Variants in ANKRD6 observed in about 807,000 individuals in gnomAD.
ANKRD6 encodes ankyrin repeat domain 6.
Under a neutral mutation model 82.3 loss-of-function variants are expected in ANKRD6, and 56 were observed. That is an observed-to-expected ratio of 0.68 (90% CI 0.55 to 0.85). The LOEUF (loss-of-function observed/expected upper bound fraction) is 0.85. ANKRD6 is among the 40% of genes least tolerant of loss of function. ANKRD6 has a pLI of 0.00. For missense variants in ANKRD6, 852 were observed against 907.6 expected, an observed-to-expected ratio of 0.94 and a Z score of 0.79; for synonymous variants, 347 against 352.1, an observed-to-expected ratio of 0.99 and a Z score of 0.16.
At chr6:89,546,522 G>A (rs1248311145) in intron 1 of ANKRD6, among the ~76,000 whole-genome samples, 1 of 152,166 alleles carries the variant, frequency 6.6e-6, no homozygotes, top group Non-Finnish European at 1.5e-5. Flanking sequence ...GGAATGCAGT[G>A]GCGTGATCTC....
rs71024383 is a variant in ANKRD6 at position 89,578,286 on chromosome 6, C to CTTTTTTTTTTTT, written c.120+11205_120+11216dup. ...ATTAGCTTTTTCCCCCTCCCGCCTC[C>CTTTTTTTTTTTT]TTTTTTTTTTTTTTTTTTTTTTTTT... On this transcript the variant is annotated intron_variant, in intron 2 of 15. Transcript: ENST00000339746. 6.7e-5 allele frequency among the ~76,000 whole-genome samples: 8 copies of CTTTTTTTTTTTT among 119,098 alleles called. 4 individuals carry two copies. The highest frequency in any genetic ancestry group is 3.4e-5 in the Non-Finnish European group (2 of 58,470). 78.1% of individuals were successfully genotyped at this position (119,098 alleles called of 152,430 possible).
chr6:89,490,028 T>A (rs1176535320), intron 1 of ANKRD6, among the ~76,000 whole-genome samples: 1 of 152,232 alleles, frequency 6.6e-6, no homozygotes, highest in Non-Finnish European at 1.5e-5. Context: ...ACAACATGAC[T>A]AATTGTATGC....
At chr6:89,596,117 C>G in intron 3 of ANKRD6, 103 bp downstream of exon 3, 1 of 982,838 alleles carries the variant, frequency 1.0e-6, no homozygotes, top group Non-Finnish European at 1.6e-6. Flanking sequence ...AGTAGATGCT[C>G]TCGCAGCACA....
chr6:89,443,086 A>G (rs1771628813), intron 1 of ANKRD6, among the ~76,000 whole-genome samples: 1 of 152,196 alleles, frequency 6.6e-6, no homozygotes, highest in Admixed American at 6.5e-5. Flanking sequence ...ATGTGATACT[A>G]GAGTCAGATT....
At chr6:89,489,507 G>C (rs904450543) in intron 1 of ANKRD6, among the ~76,000 whole-genome samples, 1 of 152,180 alleles carries the variant, frequency 6.6e-6, no homozygotes, top group African/African-American at 2.4e-5. Context: ...TCTCCACTCA[G>C]TCTCCTATGC....
chr6:89,472,403 A>T (rs1304178849), intron 1 of ANKRD6, among the ~76,000 whole-genome samples: 1 of 152,208 alleles, frequency 6.6e-6, no homozygotes, highest in Non-Finnish European at 1.5e-5. Context: ...TGGGATATGT[A>T]ATATATACAT....
chr6:89,465,529 C>G (rs940455154), intron 1 of ANKRD6, among the ~76,000 whole-genome samples: 5 of 152,012 alleles, frequency 3.3e-5, no homozygotes, highest in Non-Finnish European at 4.4e-5. Context: ...TGACCTTGGG[C>G]AAGCTACTTA....
chr6:89,460,390 AT>A (rs1773981311), intron 1 of ANKRD6, among the ~76,000 whole-genome samples: 2 of 152,106 alleles, frequency 1.3e-5, no homozygotes, highest in Non-Finnish European at 2.9e-5. Context: ...AAATTTCAAA[AT>A]TTTGAAAGTA....
intron 1 of ANKRD6, among the ~76,000 whole-genome samples, chr6:89,460,316 CTTTTT>C (rs1773972049): frequency 6.6e-6 from 1 of 151,346 alleles, no homozygotes; most frequent in African/African-American, 2.4e-5. Flanking sequence ...GACTTTTTTT[CTTTTT>C]AAGAGAGAGA....
intron 1 of ANKRD6, among the ~76,000 whole-genome samples, chr6:89,467,554 T>G (rs1774988651): frequency 6.6e-6 from 1 of 152,208 alleles, no homozygotes; most frequent in Non-Finnish European, 1.5e-5. Context: ...TGCACTGTAC[T>G]TTTCAGTAGC....
chr6:89,480,933 C>T (rs1444183255), intron 1 of ANKRD6, among the ~76,000 whole-genome samples: 3 of 33,850 alleles, frequency 8.9e-5, no homozygotes, highest in African/African-American at 2.9e-4. Flanking sequence ...CAGAGTAAGA[C>T]CCTGTCTCAA....
chr6:89,491,858 C>G (rs899142220), intron 1 of ANKRD6, among the ~76,000 whole-genome samples: 1 of 152,084 alleles, frequency 6.6e-6, no homozygotes, highest in Non-Finnish European at 1.5e-5. Flanking sequence ...GTAATTCTCC[C>G]TGAAGATGAA....
At chr6:89,514,234 C>T (rs1007527869) in intron 1 of ANKRD6, among the ~76,000 whole-genome samples, 14 of 152,006 alleles carry the variant, frequency 9.2e-5, no homozygotes, top group East Asian at 1.9e-4. Flanking sequence ...AAAAATTAGC[C>T]GGGCATTGTG....
chr6:89,551,162 T>C (rs935281243), intron 1 of ANKRD6, among the ~76,000 whole-genome samples: 5 of 152,144 alleles, frequency 3.3e-5, no homozygotes, highest in African/African-American at 1.2e-4. Flanking sequence ...AGTCTTCTTG[T>C]TAGGAAGGGG....
At chr6:89,537,891 A>AG (rs1405491261) in intron 1 of ANKRD6, among the ~76,000 whole-genome samples, 2 of 150,738 alleles carry the variant, frequency 1.3e-5, no homozygotes, top group African/African-American at 4.9e-5. Context: ...AAAAAAAAAA[A>AG]AAAAAAAAAG....
intron 8 of ANKRD6, among the ~76,000 whole-genome samples, chr6:89,617,188 G>A (rs528715676): frequency 7.1e-4 from 108 of 152,318 alleles, no homozygotes; most frequent in Non-Finnish European, 1.1e-3. Flanking sequence ...CCCTCTGAAT[G>A]GTTCAGCAGG....
intron 1 of ANKRD6, among the ~76,000 whole-genome samples, chr6:89,480,946 A>AAAAAAAAT (rs1316470060): frequency 6.7e-6 from 1 of 149,434 alleles, no homozygotes; most frequent in Non-Finnish European, 1.5e-5. Flanking sequence ...TGTCTCAAAA[A>AAAAAAAAT]AAAAAAAAAT....
intron 3 of ANKRD6, among the ~76,000 whole-genome samples, chr6:89,596,542 A>C (rs1405129545): frequency 6.6e-6 from 1 of 152,206 alleles, no homozygotes; most frequent in African/African-American, 2.4e-5. Context: ...ATGGAATCTA[A>C]GAAAAAGGAG....
intron 2 of ANKRD6, among the ~76,000 whole-genome samples, chr6:89,579,548 A>T (rs1791978843): frequency 6.6e-6 from 1 of 152,072 alleles, no homozygotes; most frequent in South Asian, 2.1e-4. Flanking sequence ...AGGCTGGTGG[A>T]TCTCTTGAGG....
Sources: gnomAD v4.1 joint callset for allele counts (sites outside exome capture counted in the v4.1 genomes callset) on GRCh38, gnomAD v4.1.1 for gene constraint, MANE v1.5 for transcripts, NCBI Gene and HGNC (gene_info 2026-07-23, HGNC 2026-07-21) for gene names.